Variants in DBX2 observed in about 807,000 individuals in gnomAD.
DBX2 encodes homeobox protein DBX2.
In DBX2, 16 loss-of-function variants were observed where a neutral mutation model predicts 17.7. That is an observed-to-expected ratio of 0.90 (90% confidence interval 0.61 to 1.37). DBX2 has a LOEUF of 1.37. Ranked by LOEUF, DBX2 falls within the 40% of genes most tolerant of loss-of-function variation. The pLI, the probability that DBX2 is intolerant of heterozygous loss-of-function variation, is 0.00. For missense variants in DBX2, 538 were observed against 433.8 expected (o/e 1.24, Z -2.13); for synonymous variants, 255 against 183.8 (o/e 1.39, Z -3.13).
chr12:45,034,230 C>T (rs369964844), intron 2 of DBX2, among the ~76,000 whole-genome samples: 2 of 152,038 alleles, frequency 1.3e-5, no homozygotes, highest in Admixed American at 6.6e-5. Flanking sequence ...GAAGTAAAAA[C>T]CCAGTATCAT....
intron 2 of DBX2, among the ~76,000 whole-genome samples, chr12:45,024,874 AG>A (rs149366331): frequency 0.013 from 2,025 of 152,340 alleles, 20 homozygotes; most frequent in Non-Finnish European, 0.022. Flanking sequence ...AAGGGCTCTC[AG>A]TTACTCCCCT....
At chr12:45,031,757 T>C (rs1946411978) in intron 2 of DBX2, among the ~76,000 whole-genome samples, 1 of 152,228 alleles carries the variant, frequency 6.6e-6, no homozygotes, top group African/African-American at 2.4e-5. Flanking sequence ...TCTCTTGTTC[T>C]GGATGGTCTA....
chr12:45,022,298 G>GTTTTTTTT lies in DBX2; in HGVS notation c.687+1401_687+1408dup, dbSNP rs745546411. ...AGGAGAGTTTAGTCCAATAATAACT[G>GTTTTTTTT]TTTTTTTTTTTTTTTTTTTTTTTGA... On this transcript the variant is annotated intron_variant, in intron 3 of 3. Coordinates refer to ENST00000332700, the MANE Select transcript of DBX2 (RefSeq NM_001004329.3). Among the ~76,000 whole-genome samples, 74 of 82,500 alleles carry GTTTTTTTT rather than the reference G, an allele frequency of 9.0e-4. 7 individuals carry two copies. The highest frequency in any genetic ancestry group is 3.1e-3 in the African/African-American group (62 of 19,900). The allele number at this position is 82,500 out of a possible 152,430, so 54.1% of individuals were successfully genotyped here.
rs149025550 is a variant in DBX2 at position 45,046,028 on chromosome 12, C to G, written c.403+4497G>C. Reference sequence around the variant, plus strand: ...CATGTACTCCTGTTTTATTATTAAACCTCAAGAGTTTTAGTACATATTACC... The same window carrying G: ...CATGTACTCCTGTTTTATTATTAAAGCTCAAGAGTTTTAGTACATATTACC... On this transcript the variant is annotated intron_variant, in intron 1 of 3. Transcript: ENST00000332700. 1.8e-4 allele frequency among the ~76,000 whole-genome samples: 27 copies of G among 152,174 alleles called. 1 individual carries two copies. The East Asian group carries it at 4.8e-3, about 27-fold the overall frequency.
intron 2 of DBX2, among the ~76,000 whole-genome samples, chr12:45,034,294 C>T (rs186866409): frequency 2.0e-5 from 3 of 152,014 alleles, no homozygotes; most frequent in African/African-American, 4.8e-5. Context: ...TCTCCACTCC[C>T]GAAATCTAAC....
chr12:45,046,565 C>G (rs11182807), intron 1 of DBX2, among the ~76,000 whole-genome samples: 7,789 of 152,258 alleles, frequency 0.051, 347 homozygotes, highest in East Asian at 0.18. Context: ...ACTTAGAATG[C>G]AATCCCCACC....
chr12:45,021,912 A>G (rs1404992026), intron 3 of DBX2, among the ~76,000 whole-genome samples: 1 of 152,022 alleles, frequency 6.6e-6, no homozygotes, highest in Non-Finnish European at 1.5e-5. Flanking sequence ...CGGGGTGTGG[A>G]AGCTTCTGAG....
At chr12:45,031,881 C>CT (rs1017088125) in intron 2 of DBX2, among the ~76,000 whole-genome samples, 11 of 151,516 alleles carry the variant, frequency 7.3e-5, no homozygotes, top group South Asian at 4.2e-4. Flanking sequence ...CTATTCTTCA[C>CT]TTTTTTTTTG....
chr12:45,021,015 A>G (rs189709974), intron 3 of DBX2, among the ~76,000 whole-genome samples: 26 of 152,302 alleles, frequency 1.7e-4, no homozygotes, highest in Non-Finnish European at 3.4e-4. Flanking sequence ...TTACCATAAT[A>G]AATACCACGT....
intron 1 of DBX2, among the ~76,000 whole-genome samples, chr12:45,037,207 C>A (rs1946445758): frequency 6.6e-6 from 1 of 152,136 alleles, no homozygotes; most frequent in South Asian, 2.1e-4. Context: ...TTATTGAGCA[C>A]TTACTGTATG....
At position 45,050,640 on chromosome 12, in the gene DBX2, C is replaced by G; in HGVS notation, c.288G>C (p.Gly96=). Residue 96 remains glycine (G), a synonymous_variant, in exon 1 of 4, where the codon GGG becomes GGC. Transcript: ENST00000332700. ...AAGCCCACCGCGTTCCGTAGGGCGC[C>G]CCGGCGGGGCTAACTTGTTCGGCTG... ...CPAAEQVSPA[G]APYGTRWAFQ... 1 of 1,549,846 alleles carries G rather than the reference C, an allele frequency of 6.5e-7. No homozygotes were observed. The highest frequency in any genetic ancestry group is 1.4e-5 in the African/African-American group (1 of 72,996).
chr12:45,018,231 G>GT (rs1247898937), intron 3 of DBX2, among the ~76,000 whole-genome samples: 1 of 152,074 alleles, frequency 6.6e-6, no homozygotes, highest in Non-Finnish European at 1.5e-5. Flanking sequence ...CACTGAGACA[G>GT]TTTTTTGTTT....
intron 2 of DBX2, 29 bp downstream of exon 2, chr12:45,035,990 G>A: frequency 1.9e-6 from 3 of 1,592,744 alleles, no homozygotes; most frequent in Non-Finnish European, 1.7e-6. Context: ...GAATAACTGA[G>A]GCATTGCTGA....
chr12:45,032,187 A>G (rs1181927785), intron 2 of DBX2, among the ~76,000 whole-genome samples: 1 of 152,176 alleles, frequency 6.6e-6, no homozygotes, highest in Non-Finnish European at 1.5e-5. Flanking sequence ...GGTTGACTGA[A>G]TGCCATTTAT....
At chr12:45,050,403 C>G in intron 1 of DBX2, 122 bp downstream of exon 1, 2 of 1,356,122 alleles carry the variant, frequency 1.5e-6, no homozygotes, top group Non-Finnish European at 2.0e-6. Flanking sequence ...TCGAGATGCT[C>G]CAGGAAGTTC....
At chr12:45,042,552 C>A (rs1288438819) in intron 1 of DBX2, among the ~76,000 whole-genome samples, 2 of 152,170 alleles carry the variant, frequency 1.3e-5, no homozygotes, top group African/African-American at 4.8e-5. Flanking sequence ...AGCAATGTGG[C>A]TAGAAGAGTT....
intron 2 of DBX2, among the ~76,000 whole-genome samples, chr12:45,024,689 T>C (rs573381513): frequency 6.6e-5 from 10 of 152,354 alleles, no homozygotes; most frequent in African/African-American, 2.4e-4. Flanking sequence ...GTTTAATTGC[T>C]CTCATTACCT....
Position 45,050,590 on chromosome 12 carries a change from T to G in DBX2, c.338A>C (p.Asp113Ala), listed in dbSNP as rs1018708340. 1.3e-6 allele frequency: 2 copies of G among 1,551,726 alleles called. No homozygotes were observed. The highest frequency in any genetic ancestry group is 4.9e-5 in the East Asian group (2 of 41,002). Residue 113 changes from aspartate to alanine, a missense_variant, in exon 1 of 4, where the codon GAC becomes GCC. Transcript: ENST00000332700. Reference sequence around the variant, plus strand: ...AGCCCGGCCCGGCAGCCTCGCACTGTCCGCAGAGGGACTGAGCACTTGAAA... The same window carrying G: ...AGCCCGGCCCGGCAGCCTCGCACTGGCCGCAGAGGGACTGAGCACTTGAAA... ...WAFQVLSPSA[D>A]SARLPGRAPG...
In DBX2 at chr12:45,050,969, C is replaced by G; in HGVS notation, c.-42G>C. On this transcript the variant is annotated 5_prime_UTR_variant, in exon 1 of 4. Transcript: ENST00000332700. ...GTCTGCTGCGCGCCCGCCTTGCGCCCGCCTGTCGCCCGGGCGCCCCGCACC... is the reference window on the plus strand; with the variant it reads ...GTCTGCTGCGCGCCCGCCTTGCGCCGGCCTGTCGCCCGGGCGCCCCGCACC... 3 of 1,367,528 alleles carry G rather than the reference C, an allele frequency of 2.2e-6. No individual in the cohort carries two copies. The highest frequency in any genetic ancestry group is 1.9e-5 in the South Asian group (1 of 53,178). The allele number at this position is 1,367,528 out of a possible 1,614,324, so 84.7% of individuals were successfully genotyped here. A position where few individuals can be genotyped will look rare whatever the true frequency, so the allele number is the denominator to read the frequency against.
Sources: gnomAD v4.1 joint callset for allele counts (sites outside exome capture counted in the v4.1 genomes callset) on GRCh38, gnomAD v4.1.1 for gene constraint, MANE v1.5 for transcripts, NCBI Gene and HGNC (gene_info 2026-07-23, HGNC 2026-07-21) for gene names.